PCDHGA6: variants seen among roughly 807,000 people sequenced by gnomAD.
PCDHGA6 encodes protocadherin gamma-A6.
A neutral mutation model predicts 60.6 loss-of-function variants in PCDHGA6; 41 were observed. That is an observed-to-expected ratio of 0.68 (90% CI 0.53 to 0.88). The LOEUF is 0.88. Among genes scored for constraint, PCDHGA6 ranks in the 40% least tolerant of loss-of-function variants. The pLI, the probability that PCDHGA6 is intolerant of heterozygous loss-of-function variation, is 0.00. For synonymous variants in PCDHGA6, 594 were observed against 524.4 expected (o/e 1.13, Z -1.81); for missense variants, 1,312 against 1,203.0 (o/e 1.09, Z -1.34).
At chr5:141,394,884 C>T (rs2093119839) in intron 1 of PCDHGA6, 2 of 1,613,902 alleles carry the variant, frequency 1.2e-6, no homozygotes, top group Non-Finnish European at 1.7e-6. Flanking sequence ...GAGCCTTACA[C>T]TCTATCTCGT....
chr5:141,419,579 C>G (rs759041306), intron 1 of PCDHGA6: 11 of 1,611,812 alleles, frequency 6.8e-6, no homozygotes, highest in Non-Finnish European at 9.3e-6. Flanking sequence ...CGGCTCCGCG[C>G]TCTTCGACAC....
In PCDHGA6 at chr5:141,433,198, A is replaced by G. The variant is rs373769649; in HGVS notation, c.2424+56691A>G. 11 of 1,581,706 alleles carry G rather than the reference A, an allele frequency of 7.0e-6. No individual in the cohort carries two copies. The African/African-American group carries it at 1.1e-4, about 16-fold the overall frequency. On this transcript the variant is annotated intron_variant, in intron 1 of 3. Coordinates refer to ENST00000517434, the MANE Select transcript of PCDHGA6 (RefSeq NM_018919.3). ...GGTTAATTGAGGTGAGTTTATATCA[A>G]ATCTTCTTTCTTTTTTTTTTTTAAT...
At chr5:141,456,615 A>G (rs561978043) in intron 1 of PCDHGA6, among the ~76,000 whole-genome samples, 3 of 152,318 alleles carry the variant, frequency 2.0e-5, no homozygotes, top group East Asian at 3.9e-4. Flanking sequence ...AAGTCCCTGT[A>G]GATTTGCCTC....
chr5:141,425,217 T>G (rs565640413), intron 1 of PCDHGA6, among the ~76,000 whole-genome samples: 51 of 152,294 alleles, frequency 3.3e-4, no homozygotes, highest in Middle Eastern at 3.4e-3. Flanking sequence ...GCATTGTACT[T>G]TGACTGGAAT....
At chr5:141,450,881 G>A (rs1205242412) in intron 1 of PCDHGA6, among the ~76,000 whole-genome samples, 1 of 149,726 alleles carries the variant, frequency 6.7e-6, no homozygotes, top group African/African-American at 2.5e-5. Flanking sequence ...CTGGTGTGCA[G>A]TGGTGCGATA....
chr5:141,478,594 C>T, intron 1 of PCDHGA6: 2 of 1,569,448 alleles, frequency 1.3e-6, no homozygotes, highest in Non-Finnish European at 1.7e-6. Context: ...TTTTTTATTC[C>T]TACATCATAT....
chr5:141,470,113 A>C (rs1209326739), intron 1 of PCDHGA6, among the ~76,000 whole-genome samples: 1 of 152,126 alleles, frequency 6.6e-6, no homozygotes, highest in Non-Finnish European at 1.5e-5. Context: ...TGAGCAACAG[A>C]GCAAGACTTC....
Position 141,375,723 on chromosome 5 carries a change from C to G in PCDHGA6, c.1640C>G (p.Ser547Ter). ...SGDPPLSSNV[S>*]LSLFVLDQND... ...GACCCGCCTCTTAGCAGCAACGTGT[C>G]ACTGAGCCTGTTTGTGCTGGACCAG... Residue 547 changes from serine (S) to a stop codon, truncating the protein, a stop_gained, in exon 1 of 4, where the codon TCA (serine) becomes TGA (stop). Transcript: ENST00000517434. LOFTEE classifies it high-confidence loss of function. 6.2e-7 allele frequency: 1 copy of G among 1,614,274 alleles called. No homozygotes were observed. The highest frequency in any genetic ancestry group is 8.5e-7 in the Non-Finnish European group (1 of 1,180,050).
chr5:141,418,350 T>A, intron 1 of PCDHGA6: 1 of 1,614,002 alleles, frequency 6.2e-7, no homozygotes, highest in Non-Finnish European at 8.5e-7. Context: ...GATATTAGTA[T>A]GAATTCGCTG....
At chr5:141,416,929 C>T (rs1184470714) in intron 1 of PCDHGA6, 1 of 151,960 alleles carries the variant, frequency 6.6e-6, no homozygotes. Flanking sequence ...TAGTTATTAA[C>T]TATTAAACCA....
At chr5:141,399,115 GA>G in intron 1 of PCDHGA6, 3 of 1,613,814 alleles carry the variant, frequency 1.9e-6, no homozygotes, top group Non-Finnish European at 2.5e-6. Context: ...ATGTACAGTT[GA>G]AATTAATATT....
In PCDHGA6 at chr5:141,511,098, T is replaced by G; in HGVS notation, c.2724T>G (p.Ala908=). 6.2e-7 allele frequency: 1 copy of G among 1,614,132 alleles called. No individual in the cohort carries two copies. The highest frequency in any genetic ancestry group is 8.5e-7 in the Non-Finnish European group (1 of 1,179,996). ...PGSNATLTNA[A]GKRDGKAPAG... is the part of the protein sequence containing the mutation. The stretch of plus-strand genomic sequence containing the variant: ...GCAATGCCACACTGACCAACGCAGC[T>G]GGCAAGCGGGATGGCAAGGCCCCAG... Residue 908 remains alanine, a synonymous_variant, in exon 4 of 4, where the codon GCT becomes GCG. Transcript: ENST00000517434.
At chr5:141,420,432 T>C in intron 1 of PCDHGA6, 2 of 1,149,120 alleles carry the variant, frequency 1.7e-6, no homozygotes, top group Non-Finnish European at 2.3e-6. Flanking sequence ...AAAGTTTAAA[T>C]TAAATGCCTC....
chr5:141,382,495 A>G (rs1778251368), intron 1 of PCDHGA6, among the ~76,000 whole-genome samples: 1 of 152,272 alleles, frequency 6.6e-6, no homozygotes, highest in African/African-American at 2.4e-5. Context: ...ACACCGGTCC[A>G]TGAACACTGT....
At chr5:141,419,325 AC>A (rs768622826) in intron 1 of PCDHGA6, 1 of 1,613,702 alleles carries the variant, frequency 6.2e-7, no homozygotes, top group Non-Finnish European at 8.5e-7. Context: ...CGTGTCTCCT[AC>A]TCTCTCATTG....
rs753050855 is a variant in PCDHGA6 at position 141,375,684 on chromosome 5, C to T, written c.1601C>T (p.Ala534Val). 4 of 1,614,272 alleles carry T rather than the reference C, an allele frequency of 2.5e-6. No individual in the cohort carries two copies. In the South Asian group the frequency reaches 4.4e-5, roughly 18 times the overall value. Residue 534 changes from alanine to valine, a missense_variant, in exon 1 of 4, where the codon GCC becomes GTC. By Grantham distance (64) the Ala-to-Val change is moderately conservative (BLOSUM62 0). Coordinates refer to ENST00000517434, the MANE Select transcript of PCDHGA6 (RefSeq NM_018919.3). The stretch of plus-strand genomic sequence containing the variant: ...AGAGACCTACAGCTGTGGGTGACAG[C>T]CAGCGACAGCGGGGACCCGCCTCTT... Reference protein sequence around the residue: ...QLRDLQLWVTASDSGDPPLSS... With the variant: ...QLRDLQLWVTVSDSGDPPLSS...
intron 1 of PCDHGA6, chr5:141,398,594 T>C: frequency 6.2e-7 from 1 of 1,614,028 alleles, no homozygotes; most frequent in African/African-American, 1.3e-5. Flanking sequence ...ATACTAGAAG[T>C]AGCAGAAGAT....
At chr5:141,413,513 T>C (rs1369472337) in intron 1 of PCDHGA6, 34 of 1,613,974 alleles carry the variant, frequency 2.1e-5, no homozygotes, top group Non-Finnish European at 2.9e-5. Context: ...TTTAATATCC[T>C]TGTGGAAGAC....
intron 1 of PCDHGA6, among the ~76,000 whole-genome samples, chr5:141,494,399 T>A (rs2099754028): frequency 6.6e-6 from 1 of 152,146 alleles, no homozygotes; most frequent in South Asian, 2.1e-4. Context: ...ATAAATTCAT[T>A]CTAGGGCTGG....
Sources: allele counts gnomAD v4.1 joint callset (sites outside exome capture counted in the v4.1 genomes callset), GRCh38; gene constraint gnomAD v4.1.1; transcripts MANE v1.5; gene names NCBI Gene and HGNC (gene_info 2026-07-23, HGNC 2026-07-21).